The following ADGRL3 variants were observed in gnomAD, a reference collection of about 807,000 sequenced individuals.
The protein encoded by ADGRL3 is adhesion G protein-coupled receptor L3, also known as calcium-independent alpha-latrotoxin receptor 3.
In ADGRL3, 62 loss-of-function variants were observed where a neutral mutation model predicts 153.5. The observed-to-expected ratio is 0.40, with a 90% CI of 0.33 to 0.50. The LOEUF is 0.50. Ranked by LOEUF, ADGRL3 falls within the 20% of genes least tolerant of loss-of-function variation. The probability of loss-of-function intolerance (pLI) is 0.47; values close to 1 mark genes in which losing one functional copy is unlikely to be tolerated. For synonymous variants in ADGRL3, 710 were observed against 672.5 expected (o/e 1.06, Z -0.86); for missense variants, 1,641 against 1,859.4 (o/e 0.88, Z 2.16).
intron 1 of ADGRL3, among the ~76,000 whole-genome samples, chr4:61,339,661 A>G (rs1262130130): frequency 6.6e-6 from 1 of 152,214 alleles, no homozygotes; most frequent in Admixed American, 6.5e-5. Context: ...TTTTCATATT[A>G]CAATTTTAAA....
At chr4:61,699,706 T>G (rs2095712735) in intron 6 of ADGRL3, among the ~76,000 whole-genome samples, 3 of 152,202 alleles carry the variant, frequency 2.0e-5, no homozygotes, top group Admixed American at 1.3e-4. Context: ...TGTTCAGTGA[T>G]TCTTAAAAAC....
At chr4:61,444,153 A>C (rs1269210811) in intron 2 of ADGRL3, among the ~76,000 whole-genome samples, 1 of 152,216 alleles carries the variant, frequency 6.6e-6, no homozygotes, top group Non-Finnish European at 1.5e-5. Flanking sequence ...ATGCCATTCC[A>C]TTTATGAAGG....
At chr4:61,395,858 AG>A in intron 2 of ADGRL3, among the ~76,000 whole-genome samples, 1 of 151,956 alleles carries the variant, frequency 6.6e-6, no homozygotes, top group Non-Finnish European at 1.5e-5. Context: ...TTTGATATGG[AG>A]GGGAATAGCT....
intron 8 of ADGRL3, among the ~76,000 whole-genome samples, chr4:61,778,668 A>C (rs74561273): frequency 0.024 from 3,691 of 152,320 alleles, 53 homozygotes; most frequent in Non-Finnish European, 0.039. Flanking sequence ...TGTTATTATT[A>C]ATATTAACCA....
intron 13 of ADGRL3, among the ~76,000 whole-genome samples, chr4:61,913,389 T>TTTTTG (rs1211312208): frequency 2.6e-5 from 4 of 152,184 alleles, no homozygotes; most frequent in African/African-American, 9.6e-5. Context: ...GCTCTCTAGT[T>TTTTTG]TTTTGTTTTG....
In ADGRL3 at chr4:61,941,190, T is replaced by G. The variant is rs1485999760; in HGVS notation, c.2419+5145T>G. ...CCAGCACCATTTATTAAATAGGGAA[T>G]CCTTTCCCCATTGCTTGTTTTTCTC... is the stretch of plus-strand genomic sequence containing the variant. On this transcript the variant is annotated intron_variant, in intron 15 of 26. Transcript: ENST00000683033. 1.8e-5 allele frequency among the ~76,000 whole-genome samples: 2 copies of G among 108,506 alleles called. 1 individual carries two copies. The highest frequency in any genetic ancestry group is 3.6e-5 in the Non-Finnish European group (2 of 55,788). The allele number at this position is 108,506 out of a possible 152,430, so 71.2% of individuals were successfully genotyped here. A position where few individuals can be genotyped will look rare whatever the true frequency, so the allele number is the denominator to read the frequency against.
chr4:61,376,319 C>T (rs1240793899), intron 1 of ADGRL3, among the ~76,000 whole-genome samples: 1 of 95,190 alleles, frequency 1.1e-5, no homozygotes, highest in Non-Finnish European at 2.6e-5. Context: ...TATGCAAATA[C>T]CACTTGTCAT....
intron 2 of ADGRL3, among the ~76,000 whole-genome samples, chr4:61,434,873 T>A (rs1395910803): frequency 6.6e-6 from 1 of 152,096 alleles, no homozygotes; most frequent in Non-Finnish European, 1.5e-5. Context: ...ACATCTCATC[T>A]CTCTCATTTT....
intron 1 of ADGRL3, among the ~76,000 whole-genome samples, chr4:61,284,008 A>G (rs1464736575): frequency 6.6e-6 from 1 of 152,004 alleles, no homozygotes; most frequent in African/African-American, 2.4e-5. Context: ...ACAAGGTTGT[A>G]GTCCTTGTGT....
chr4:61,976,353 A>T (rs1432003501), intron 17 of ADGRL3, among the ~76,000 whole-genome samples: 1 of 152,150 alleles, frequency 6.6e-6, no homozygotes, highest in Admixed American at 6.5e-5. Flanking sequence ...TAGAAGTTCT[A>T]TTATGGCAGA....
intron 22 of ADGRL3, among the ~76,000 whole-genome samples, chr4:62,030,065 A>G (rs1721134290): frequency 6.6e-6 from 1 of 151,674 alleles, no homozygotes; most frequent in Non-Finnish European, 1.5e-5. Flanking sequence ...TCAATTAAAC[A>G]TGTTAAATAT....
Position 61,776,588 on chromosome 4 carries a change from A to G in ADGRL3, c.1400-37221A>G, listed in dbSNP as rs966882570. Among the ~76,000 whole-genome samples the G allele has an allele frequency of 3.3e-5, 5 of 152,184 alleles. 1 individual carries two copies. The highest frequency in any genetic ancestry group is 4.1e-4 in the South Asian group (2 of 4,830). On this transcript the variant is annotated intron_variant, in intron 8 of 26. Coordinates refer to ENST00000683033, the MANE Select transcript of ADGRL3 (RefSeq NM_001387552.1). The stretch of plus-strand genomic sequence containing the variant: ...AAATCTACTGAATTTTAAAAAATAT[A>G]TTCCTATGTGCTGTACAGATATTAT...
At chr4:61,932,301 T>C (rs931296138) in intron 13 of ADGRL3, among the ~76,000 whole-genome samples, 1 of 152,164 alleles carries the variant, frequency 6.6e-6, no homozygotes, top group Admixed American at 6.6e-5. Flanking sequence ...TTGTGGAGTA[T>C]GATGTTATCT....
chr4:61,720,758 C>G (rs1201325615), intron 6 of ADGRL3, among the ~76,000 whole-genome samples: 1 of 152,132 alleles, frequency 6.6e-6, no homozygotes, highest in Non-Finnish European at 1.5e-5. Context: ...GTGACACTAT[C>G]TAATTGCTAA....
At position 61,694,194 on chromosome 4, in the gene ADGRL3, T is replaced by C. The variant is rs1253482374; in HGVS notation, c.583+17259T>C. Among the ~76,000 whole-genome samples the C allele has an allele frequency of 9.6e-4, 48 of 49,936 alleles. 1 individual carries two copies. Among genetic ancestry groups the C allele is most frequent in the African/African-American group, 4.7e-3 (43 of 9,164 alleles). 32.8% of individuals were successfully genotyped at this position (49,936 alleles called of 152,430 possible). Reference sequence around the variant, plus strand: ...TTTTGTCATTATTTTTTTTTTTTTTTTTTTTTTTTTTTTTTTTTTTTTTTT... The same window carrying C: ...TTTTGTCATTATTTTTTTTTTTTTTCTTTTTTTTTTTTTTTTTTTTTTTTT... On this transcript the variant is annotated intron_variant, in intron 6 of 26. Transcript: ENST00000683033.
At chr4:61,923,478 G>T (rs1034438868) in intron 13 of ADGRL3, among the ~76,000 whole-genome samples, 2 of 152,084 alleles carry the variant, frequency 1.3e-5, no homozygotes, top group Admixed American at 6.5e-5. Context: ...CAGTGCTTGA[G>T]TATCAGACTC....
intron 2 of ADGRL3, among the ~76,000 whole-genome samples, chr4:61,408,229 C>T (rs2097029529): frequency 1.3e-5 from 2 of 152,010 alleles, no homozygotes; most frequent in African/African-American, 4.8e-5. Flanking sequence ...TTAAACTCTT[C>T]TGTATGTTTT....
chr4:61,430,122 G>A (rs1383368427), intron 2 of ADGRL3, among the ~76,000 whole-genome samples: 1 of 152,066 alleles, frequency 6.6e-6, no homozygotes, highest in Non-Finnish European at 1.5e-5. Context: ...ATATTAACCT[G>A]TGCTTTGGAA....
At chr4:61,299,279 G>A (rs1241866022) in intron 1 of ADGRL3, among the ~76,000 whole-genome samples, 1 of 152,020 alleles carries the variant, frequency 6.6e-6, no homozygotes, top group African/African-American at 2.4e-5. Context: ...CAGCATCATA[G>A]TGAGGCTGTG....
Sources: allele counts gnomAD v4.1 joint callset (sites outside exome capture counted in the v4.1 genomes callset), GRCh38; gene constraint gnomAD v4.1.1; transcripts MANE v1.5; gene names NCBI Gene and HGNC (gene_info 2026-07-23, HGNC 2026-07-21).